MAP2K5: variants seen among roughly 807,000 people sequenced by gnomAD.
The protein encoded by MAP2K5 is dual specificity mitogen-activated protein kinase kinase 5.
MAP2K5 carries 49 observed loss-of-function variants against 83.1 expected under a neutral mutation model. That is an observed-to-expected ratio of 0.59 (90% CI 0.47 to 0.75). The LOEUF (loss-of-function observed/expected upper bound fraction) is 0.75, where lower values mean the gene tolerates loss of function less well. MAP2K5 is among the 30% of genes least tolerant of loss of function. MAP2K5 has a pLI of 0.00. For missense variants in MAP2K5, 457 were observed against 557.5 expected (o/e 0.82, Z 1.82); for synonymous variants, 202 against 191.8 (o/e 1.05, Z -0.44).
chr15:67,766,121 A>G (rs887418347), intron 19 of MAP2K5, among the ~76,000 whole-genome samples: 3 of 152,228 alleles, frequency 2.0e-5, no homozygotes, highest in Non-Finnish European at 4.4e-5. Flanking sequence ...CTCGATGACC[A>G]GAATTGCCTA....
In MAP2K5 at chr15:67,564,328, CAAATGATGGAATCATTTGGAATCATGTGG is replaced by C. The variant is rs541931681; in HGVS notation, c.252+993_252+1021del. On this transcript the variant is annotated intron_variant, in intron 3 of 21. Transcript: ENST00000178640. The stretch of plus-strand genomic sequence containing the variant: ...AAAAGTTAAAAGTTCTATACAAATG[CAAATGATGGAATCATTTGGAATCATGTGG>C]AAATGATGGAATCAGGGCTCTTGCT... Among the ~76,000 whole-genome samples, 54 of 152,234 alleles carry C rather than the reference CAAATGATGGAATCATTTGGAATCATGTGG, an allele frequency of 3.5e-4. 3 individuals carry two copies. In the South Asian group the frequency reaches 0.011, roughly 30 times the overall value.
intron 17 of MAP2K5, among the ~76,000 whole-genome samples, chr15:67,745,120 G>A (rs1204560541): frequency 6.6e-6 from 1 of 152,164 alleles, no homozygotes; most frequent in African/African-American, 2.4e-5. Context: ...GTGTGTGACT[G>A]GAACAATTAC....
At position 67,708,322 on chromosome 15, in the gene MAP2K5, T is replaced by TA. The variant is rs200154926; in HGVS notation, c.1044+4928dup. On this transcript the variant is annotated intron_variant, in intron 16 of 21. Transcript: ENST00000178640. The surrounding 1 kb of genome is among the most constrained non-coding windows in gnomAD (Gnocchi z 4.9). The stretch of plus-strand genomic sequence containing the variant: ...TAGTCAACAGAGCAAGATGCTGTCT[T>TA]AAAAAAAAAAAAAATCAGATAGAGA... 0.011 allele frequency among the ~76,000 whole-genome samples: 1,615 copies of TA among 142,328 alleles called. 36 individuals are homozygous for TA. The highest frequency in any genetic ancestry group is 0.037 in the African/African-American group (1,430 of 38,918). The allele number at this position is 142,328 out of a possible 152,430, so 93.4% of individuals were successfully genotyped here.
intron 9 of MAP2K5, among the ~76,000 whole-genome samples, chr15:67,633,116 G>A (rs2086512581): frequency 6.6e-6 from 1 of 152,148 alleles, no homozygotes; most frequent in Admixed American, 6.5e-5. Context: ...ACCGAGCGCG[G>A]CCCAGTCGTA....
intron 6 of MAP2K5, among the ~76,000 whole-genome samples, chr15:67,589,008 T>C (rs2085343300): frequency 6.6e-6 from 1 of 151,944 alleles, no homozygotes; most frequent in African/African-American, 2.4e-5. Flanking sequence ...TTTTTTAAAT[T>C]TTTTTAATTT....
At chr15:67,683,835 C>T (rs2087882881) in intron 13 of MAP2K5, among the ~76,000 whole-genome samples, 1 of 152,176 alleles carries the variant, frequency 6.6e-6, no homozygotes, top group Non-Finnish European at 1.5e-5. Flanking sequence ...GGGATTTGCC[C>T]TCCACCAAAA....
intron 17 of MAP2K5, among the ~76,000 whole-genome samples, chr15:67,735,423 C>T (rs1566946501): frequency 6.6e-6 from 1 of 152,236 alleles, no homozygotes; most frequent in South Asian, 2.1e-4. Context: ...GTAGTACCTT[C>T]TACACTATTG....
chr15:67,610,369 T>TTTTA (rs2085891025), intron 8 of MAP2K5, among the ~76,000 whole-genome samples: 1 of 152,190 alleles, frequency 6.6e-6, no homozygotes, highest in South Asian at 2.1e-4. Flanking sequence ...AATCCCTGGA[T>TTTTA]TAAATGTATG....
chr15:67,682,381 A>G (rs946309007), intron 13 of MAP2K5, among the ~76,000 whole-genome samples: 2 of 151,688 alleles, frequency 1.3e-5, no homozygotes, highest in African/African-American at 4.8e-5. Context: ...ACGCCACCAC[A>G]CCCAGCTAAT....
At position 67,677,542 on chromosome 15, in the gene MAP2K5, T is replaced by C. The variant is rs1012856548; in HGVS notation, c.847+12897T>C. Among the ~76,000 whole-genome samples, 1 of 152,238 alleles carries C rather than the reference T, an allele frequency of 6.6e-6. No homozygotes were observed. The highest frequency in any genetic ancestry group is 1.5e-5 in the Non-Finnish European group (1 of 68,044). On this transcript the variant is annotated intron_variant, in intron 13 of 21. Coordinates refer to ENST00000178640, the MANE Select transcript of MAP2K5 (RefSeq NM_145160.3). This position sits in a 1 kb window ranked among gnomAD's most constrained non-coding sequence, Gnocchi z 4.2. ...GTCAAGTCTGCTGTCTTACATCTTA[T>C]TTATGCATATAATGTGGTATTCCTT...
At position 67,755,512 on chromosome 15, in the gene MAP2K5, T is replaced by A. The variant is rs1348934974; in HGVS notation, c.1134+6911T>A. ...GCCTGGGCTGGCATCAAACAGTGCC[T>A]CCTTCCACCACTGGTCATCTTCACT... is the stretch of plus-strand genomic sequence containing the variant. On this transcript the variant is annotated intron_variant, in intron 19 of 21. Coordinates refer to ENST00000178640, the MANE Select transcript of MAP2K5 (RefSeq NM_145160.3). The surrounding 1 kb of genome is among the most constrained non-coding windows in gnomAD (Gnocchi z 4.7). 6.6e-6 allele frequency among the ~76,000 whole-genome samples: 1 copy of A among 152,156 alleles called. No individual in the cohort carries two copies. Among genetic ancestry groups the A allele is most frequent in the Non-Finnish European group, 1.5e-5 (1 of 68,008 alleles).
intron 8 of MAP2K5, among the ~76,000 whole-genome samples, chr15:67,616,068 T>C (rs564923946): frequency 6.6e-6 from 1 of 152,332 alleles, no homozygotes; most frequent in African/African-American, 2.4e-5. Context: ...TTTTCCTTTG[T>C]GCCAATGCTA....
intron 13 of MAP2K5, among the ~76,000 whole-genome samples, chr15:67,688,744 C>T (rs1387565603): frequency 1.3e-5 from 2 of 152,164 alleles, no homozygotes; most frequent in South Asian, 2.1e-4. Context: ...TAACTGTTAT[C>T]TCCCTACAGA....
intron 1 of MAP2K5, among the ~76,000 whole-genome samples, chr15:67,544,226 A>G (rs1404539263): frequency 6.6e-6 from 1 of 152,212 alleles, no homozygotes; most frequent in African/African-American, 2.4e-5. Context: ...AATGTAAGAC[A>G]TTTTACTTAG....
At chr15:67,612,079 T>C (rs1476280056) in intron 8 of MAP2K5, among the ~76,000 whole-genome samples, 1 of 151,326 alleles carries the variant, frequency 6.6e-6, no homozygotes, top group Admixed American at 6.6e-5. Flanking sequence ...TTTTCTTTTT[T>C]TTTTTTTTTT....
chr15:67,570,667 T>A (rs1023396530), intron 3 of MAP2K5, among the ~76,000 whole-genome samples: 4 of 152,210 alleles, frequency 2.6e-5, no homozygotes, highest in Admixed American at 1.3e-4. Context: ...TAATGACACA[T>A]CTGAGTAGCG....
chr15:67,581,024 AAACT>A (rs2085169967), intron 4 of MAP2K5, among the ~76,000 whole-genome samples: 1 of 152,228 alleles, frequency 6.6e-6, no homozygotes, highest in African/African-American at 2.4e-5. Flanking sequence ...AGAGTAAATT[AAACT>A]AACTAGATTG....
chr15:67,675,009 T>G (rs1049558902), intron 13 of MAP2K5, among the ~76,000 whole-genome samples: 5 of 152,022 alleles, frequency 3.3e-5, no homozygotes, highest in African/African-American at 1.2e-4. Flanking sequence ...GAATGTAAAA[T>G]GATACAGCCC....
chr15:67,786,866 A>G lies in MAP2K5; in HGVS notation c.1242+14114A>G, dbSNP rs535163248. Among the ~76,000 whole-genome samples, 8 of 152,390 alleles carry G rather than the reference A, an allele frequency of 5.2e-5. No homozygotes were observed. Among genetic ancestry groups the G allele is most frequent in the African/African-American group, 1.9e-4 (8 of 41,598 alleles). On this transcript the variant is annotated intron_variant, in intron 21 of 21. Coordinates refer to ENST00000178640, the MANE Select transcript of MAP2K5 (RefSeq NM_145160.3). This position sits in a 1 kb window ranked among gnomAD's most constrained non-coding sequence, Gnocchi z 4.7. ...TGTTCAATAAATGGTAACCATTTTT[A>G]TCGTCATTGTCATCATCATCACTGC...
Sources: gnomAD v4.1 joint callset for allele counts (sites outside exome capture counted in the v4.1 genomes callset) on GRCh38, gnomAD v4.1.1 for gene constraint, Gnocchi (gnomAD v3.1) non-coding constraint, MANE v1.5 for transcripts, NCBI Gene and HGNC (gene_info 2026-07-23, HGNC 2026-07-21) for gene names.